The following NOL4 variants were observed in gnomAD, a reference collection of about 807,000 sequenced individuals.
NOL4 encodes the protein nucleolar protein 4.
NOL4 carries 17 observed loss-of-function variants against 75.9 expected under a neutral mutation model. The ratio of observed to expected loss-of-function variants is 0.22; its 90% CI spans 0.15 to 0.34. NOL4 has a LOEUF of 0.34. NOL4 is among the 10% of genes least tolerant of loss of function. The probability of loss-of-function intolerance (pLI) is 1.00; values close to 1 mark genes in which losing one functional copy is unlikely to be tolerated. For missense variants in NOL4, 614 were observed against 793.5 expected, an observed-to-expected ratio of 0.77 and a Z score of 2.72; for synonymous variants, 292 against 289.9, an observed-to-expected ratio of 1.01 and a Z score of -0.07.
chr18:33,899,631 T>C (rs1458699452), intron 9 of NOL4, among the ~76,000 whole-genome samples: 4 of 152,092 alleles, frequency 2.6e-5, no homozygotes, highest in Non-Finnish European at 5.9e-5. Flanking sequence ...TGAAACAAGG[T>C]ATTGAAAAAT....
intron 1 of NOL4, among the ~76,000 whole-genome samples, chr18:34,179,750 T>C (rs1158645798): frequency 2.6e-5 from 4 of 151,642 alleles, no homozygotes; most frequent in Admixed American, 6.6e-5. Flanking sequence ...TCTTTTGCCA[T>C]GTGAGCACAC....
intron 1 of NOL4, among the ~76,000 whole-genome samples, chr18:34,130,335 T>G (rs2080581057): frequency 6.6e-6 from 1 of 152,036 alleles, no homozygotes; most frequent in Non-Finnish European, 1.5e-5. Flanking sequence ...TTTTAAAATA[T>G]ATTTTGAGGC....
chr18:33,855,737 T>C (rs1442133659), intron 10 of NOL4, among the ~76,000 whole-genome samples: 1 of 152,106 alleles, frequency 6.6e-6, no homozygotes, highest in Non-Finnish European at 1.5e-5. Flanking sequence ...AATTATTGAT[T>C]CATTTTTTGA....
intron 5 of NOL4, among the ~76,000 whole-genome samples, chr18:34,067,146 C>A (rs141423142): frequency 6.6e-6 from 1 of 151,838 alleles, no homozygotes; most frequent in Non-Finnish European, 1.5e-5. Context: ...ACAGGATTTG[C>A]GATTTAAAGA....
intron 5 of NOL4, among the ~76,000 whole-genome samples, chr18:34,024,943 G>A (rs999661706): frequency 1.3e-5 from 2 of 152,150 alleles, no homozygotes; most frequent in South Asian, 2.1e-4. Context: ...AAGTGCTTAG[G>A]AGCCATATGT....
chr18:34,141,487 T>C (rs1408535437), intron 1 of NOL4, among the ~76,000 whole-genome samples: 2 of 152,040 alleles, frequency 1.3e-5, no homozygotes, highest in Non-Finnish European at 2.9e-5. Flanking sequence ...AAAACAGAGA[T>C]ATAGACCAAT....
chr18:33,896,955 A>G (rs960736183), intron 9 of NOL4, among the ~76,000 whole-genome samples: 2 of 152,172 alleles, frequency 1.3e-5, no homozygotes, highest in African/African-American at 4.8e-5. Context: ...TGGGCAAAAG[A>G]CATGCACAGA....
chr18:34,022,949 T>A (rs1193646127), intron 5 of NOL4, among the ~76,000 whole-genome samples: 1 of 152,124 alleles, frequency 6.6e-6, no homozygotes, highest in Non-Finnish European at 1.5e-5. Context: ...AGTGCCTTGT[T>A]TTTATATCAA....
At chr18:33,945,878 C>T (rs925083583) in intron 8 of NOL4, among the ~76,000 whole-genome samples, 3 of 151,690 alleles carry the variant, frequency 2.0e-5, no homozygotes, top group African/African-American at 4.8e-5. Context: ...CTTTGAAGAA[C>T]TGAAACCTAG....
chr18:33,988,567 A>C (rs2072663706), intron 6 of NOL4, among the ~76,000 whole-genome samples: 1 of 152,058 alleles, frequency 6.6e-6, no homozygotes, highest in Non-Finnish European at 1.5e-5. Flanking sequence ...GAAACACAAA[A>C]AGCATTCCCC....
intron 5 of NOL4, among the ~76,000 whole-genome samples, chr18:34,051,039 A>G (rs1838133086): frequency 6.6e-6 from 1 of 152,026 alleles, no homozygotes; most frequent in Admixed American, 6.6e-5. Context: ...AATGGACATA[A>G]TAAGAGTATC....
At chr18:34,059,156 T>TATAC (rs1451618343) in intron 5 of NOL4, among the ~76,000 whole-genome samples, 12 of 132,870 alleles carry the variant, frequency 9.0e-5, no homozygotes, top group South Asian at 4.8e-4. Context: ...TATATATATA[T>TATAC]ACACATGCTT....
chr18:33,887,109 CTG>C (rs1020146192), intron 9 of NOL4, among the ~76,000 whole-genome samples: 2 of 138,512 alleles, frequency 1.4e-5, no homozygotes, highest in African/African-American at 5.4e-5. Context: ...ATATATATCT[CTG>C]TATCTATATA....
At chr18:33,954,272 G>A (rs938169648) in intron 8 of NOL4, among the ~76,000 whole-genome samples, 1 of 152,052 alleles carries the variant, frequency 6.6e-6, no homozygotes, top group Non-Finnish European at 1.5e-5. Flanking sequence ...TTCAATACAG[G>A]CACAATCCCC....
intron 9 of NOL4, among the ~76,000 whole-genome samples, chr18:33,919,581 T>C (rs769925397): frequency 3.6e-4 from 55 of 152,220 alleles, no homozygotes; most frequent in Middle Eastern, 3.2e-3. Context: ...GTATAGATTA[T>C]TTTTAGTTTG....
chr18:33,881,308 C>T (rs2064256655), intron 10 of NOL4, among the ~76,000 whole-genome samples: 1 of 149,916 alleles, frequency 6.7e-6, no homozygotes, highest in Non-Finnish European at 1.5e-5. Context: ...ATGTCGTCTG[C>T]AAACAGGGAC....
intron 5 of NOL4, among the ~76,000 whole-genome samples, chr18:34,071,958 C>A (rs1035386964): frequency 1.3e-5 from 2 of 152,108 alleles, no homozygotes; most frequent in African/African-American, 4.8e-5. Flanking sequence ...AGGGGCCAGG[C>A]GCAGTAGCTC....
At chr18:34,151,298 T>G (rs2146087566) in intron 1 of NOL4, among the ~76,000 whole-genome samples, 1 of 151,882 alleles carries the variant, frequency 6.6e-6, no homozygotes, top group Admixed American at 6.6e-5. Context: ...TTGCCAAAAT[T>G]TGGAAGCAAA....
chr18:34,210,358 T>C (rs1693320347), intron 1 of NOL4, among the ~76,000 whole-genome samples: 2 of 152,226 alleles, frequency 1.3e-5, no homozygotes, highest in African/African-American at 4.8e-5. Flanking sequence ...CATAGGTCTT[T>C]TTAGTAACTC....
Sources: allele counts gnomAD v4.1 joint callset (sites outside exome capture counted in the v4.1 genomes callset), GRCh38; gene constraint gnomAD v4.1.1; transcripts MANE v1.5; gene names NCBI Gene and HGNC (gene_info 2026-07-23, HGNC 2026-07-21).